Variants in IL1RAPL2 observed in about 807,000 individuals in gnomAD.
IL1RAPL2 encodes X-linked interleukin-1 receptor accessory protein-like 2.
IL1RAPL2 carries 3 observed loss-of-function variants against 44.1 expected under a neutral mutation model. The observed-to-expected ratio is 0.07, with a 90% CI of 0.03 to 0.18. The LOEUF is 0.18. Among genes scored for constraint, IL1RAPL2 ranks in the 10% least tolerant of loss-of-function variants. The pLI is 1.00. For missense variants in IL1RAPL2, 391 were observed against 496.4 expected (o/e 0.79, Z 2.02); for synonymous variants, 181 against 178.8 (o/e 1.01, Z -0.10).
chrX:104,892,028 C>A (rs937136106), intron 2 of IL1RAPL2, among the ~76,000 whole-genome samples: 8 of 111,480 alleles, frequency 7.2e-5, no homozygotes, highest in African/African-American at 9.8e-5. Flanking sequence ...TTGTGACAGG[C>A]CTTTTCTGCA....
chrX:104,594,192 C>T (rs1928721162), intron 1 of IL1RAPL2, among the ~76,000 whole-genome samples: 1 of 111,930 alleles, frequency 8.9e-6, no homozygotes, highest in Non-Finnish European at 1.9e-5. Context: ...TCCCTAGAAC[C>T]TAGCACAGAG....
intron 5 of IL1RAPL2, among the ~76,000 whole-genome samples, chrX:105,462,943 C>G (rs1344344267): frequency 1.8e-5 from 2 of 111,237 alleles, no homozygotes; most frequent in Non-Finnish European, 3.8e-5. Flanking sequence ...TCTCTTCCCT[C>G]TAATAGGTGC....
chrX:105,112,408 A>C (rs1283644787), intron 2 of IL1RAPL2, among the ~76,000 whole-genome samples: 1 of 112,471 alleles, frequency 8.9e-6, no homozygotes, highest in Non-Finnish European at 1.9e-5. Flanking sequence ...ACAGATATTT[A>C]ACTCAATTTT....
intron 2 of IL1RAPL2, among the ~76,000 whole-genome samples, chrX:104,769,028 T>G (rs868732695): frequency 9.0e-6 from 1 of 111,255 alleles, no homozygotes; most frequent in Non-Finnish European, 1.9e-5. Context: ...TTGTGTGACA[T>G]TGGCAAGTGG....
At chrX:104,869,467 A>T (rs1795764915) in intron 2 of IL1RAPL2, among the ~76,000 whole-genome samples, 1 of 111,482 alleles carries the variant, frequency 9.0e-6, no homozygotes, top group African/African-American at 3.2e-5. Flanking sequence ...TTTTAAAATA[A>T]TTTTTTCCCC....
At chrX:105,604,612 C>A in intron 6 of IL1RAPL2, among the ~76,000 whole-genome samples, 1 of 111,165 alleles carries the variant, frequency 9.0e-6, no homozygotes, top group Middle Eastern at 4.6e-3. Flanking sequence ...CAAACTATTC[C>A]AAAGCATTTA....
chrX:105,459,395 CTG>C lies in IL1RAPL2; in HGVS notation c.698-24912_698-24911del, dbSNP rs757833556. On this transcript the variant is annotated intron_variant, in intron 5 of 10. Transcript: ENST00000372582. ...TCTACTTTGACTGTAAACCTTCTGT[CTG>C]TGTGTTGGTTCTTGAATATTTATTT... is the stretch of plus-strand genomic sequence containing the variant. 6.1e-3 allele frequency among the ~76,000 whole-genome samples: 678 copies of C among 111,476 alleles called. 7 individuals are homozygous for C. The highest frequency in any genetic ancestry group is 0.021 in the African/African-American group (657 of 30,696).
At chrX:105,365,930 C>G (rs1038562268) in intron 5 of IL1RAPL2, among the ~76,000 whole-genome samples, 1 of 108,810 alleles carries the variant, frequency 9.2e-6, no homozygotes, top group African/African-American at 3.4e-5. Flanking sequence ...GTGCACACCA[C>G]CAGACCTGGC....
chrX:105,748,271 G>A (rs1435284348), intron 8 of IL1RAPL2, among the ~76,000 whole-genome samples: 1 of 112,291 alleles, frequency 8.9e-6, no homozygotes, highest in Non-Finnish European at 1.9e-5. Context: ...GCCTAAGTCT[G>A]CTATCAGGTA....
rs1183632335 is a variant in IL1RAPL2, at chrX:104,999,658, G to A, written c.83-195817G>A. Among the ~76,000 whole-genome samples, 9 of 111,572 alleles carry A rather than the reference G, an allele frequency of 8.1e-5. No individual in the cohort carries two copies. The East Asian group carries it at 8.5e-4, about 11-fold the overall frequency. ...CTAAACATGGACTTTTCCAGTATGC[G>A]TGGGTGTTACAACAGAAACCTTTAT... On this transcript the variant is annotated intron_variant, in intron 2 of 10. Transcript: ENST00000372582.
At chrX:104,933,230 G>C (rs1365758984) in intron 2 of IL1RAPL2, among the ~76,000 whole-genome samples, 1 of 110,856 alleles carries the variant, frequency 9.0e-6, no homozygotes, top group East Asian at 2.8e-4. Flanking sequence ...TAACAAACCT[G>C]CATGTTGTGC....
At chrX:105,474,168 G>T (rs775531047) in intron 5 of IL1RAPL2, among the ~76,000 whole-genome samples, 1 of 111,550 alleles carries the variant, frequency 9.0e-6, no homozygotes, top group Non-Finnish European at 1.9e-5. Context: ...AGAAAAGAAA[G>T]AATAATATAA....
In IL1RAPL2 at chrX:105,689,252, T is replaced by C. The variant is rs578030471; in HGVS notation, c.773-28115T>C. Among the ~76,000 whole-genome samples the C allele has an allele frequency of 9.6e-3, 1,068 of 111,658 alleles. 7 individuals are homozygous for C. The highest frequency in any genetic ancestry group is 0.014 in the Non-Finnish European group (765 of 53,080). ...CTAATTAAACTAAAGAGCTTCTGCA[T>C]GGCAAAAGAAACTACCATCAGAGTG... On this transcript the variant is annotated intron_variant, in intron 6 of 10. Transcript: ENST00000372582.
intron 3 of IL1RAPL2, among the ~76,000 whole-genome samples, chrX:105,196,332 A>G (rs1556141285): frequency 9.1e-6 from 1 of 110,370 alleles, no homozygotes; most frequent in East Asian, 2.9e-4. Flanking sequence ...TTCTTCCCTC[A>G]CTCCACCCCT....
chrX:104,840,770 G>A (rs1250041675), intron 2 of IL1RAPL2, among the ~76,000 whole-genome samples: 8 of 110,115 alleles, frequency 7.3e-5, no homozygotes, highest in Non-Finnish European at 1.5e-4. Flanking sequence ...CACCTCCTGG[G>A]TTCAAGCGAT....
At chrX:104,676,261 T>C (rs1295239186) in intron 2 of IL1RAPL2, among the ~76,000 whole-genome samples, 8 of 111,734 alleles carry the variant, frequency 7.2e-5, no homozygotes, top group Non-Finnish European at 1.3e-4. Flanking sequence ...CCATGTTTAG[T>C]GCTTCCTTCA....
At chrX:105,482,881 G>A (rs936241169) in intron 5 of IL1RAPL2, among the ~76,000 whole-genome samples, 26 of 110,193 alleles carry the variant, frequency 2.4e-4, no homozygotes, top group Non-Finnish European at 4.9e-4. Flanking sequence ...GATACTTGAA[G>A]CAAGACATAA....
chrX:105,571,632 A>AT (rs748001718), intron 6 of IL1RAPL2, among the ~76,000 whole-genome samples: 1 of 111,083 alleles, frequency 9.0e-6, no homozygotes, highest in South Asian at 3.8e-4. Context: ...TGGTTGAGAT[A>AT]TGGGTGATAA....
At chrX:105,550,693 G>A (rs1240194009) in intron 6 of IL1RAPL2, among the ~76,000 whole-genome samples, 2 of 111,216 alleles carry the variant, frequency 1.8e-5, no homozygotes, top group Non-Finnish European at 3.8e-5. Context: ...ATTTCAATGA[G>A]CAGAAAAGAG....
Sources: allele counts gnomAD v4.1 joint callset (sites outside exome capture counted in the v4.1 genomes callset), GRCh38; gene constraint gnomAD v4.1.1; transcripts MANE v1.5; gene names NCBI Gene and HGNC (gene_info 2026-07-23, HGNC 2026-07-21).